The following C3orf20 variants were observed in gnomAD, a reference collection of about 807,000 sequenced individuals.
C3orf20 encodes the protein family with sequence similarity 149 member C, also known as uncharacterized protein C3orf20.
In C3orf20, 76 loss-of-function variants were observed where a neutral mutation model predicts 88.3. That is an observed-to-expected ratio of 0.86 (90% CI 0.72 to 1.04). The LOEUF (loss-of-function observed/expected upper bound fraction) is 1.04, where lower values mean the gene tolerates loss of function less well. Ranked by LOEUF, C3orf20 falls within the 50% of genes least tolerant of loss-of-function variation. C3orf20 has a pLI of 0.00. For missense variants in C3orf20, 1,056 were observed against 1,123.3 expected (o/e 0.94, Z 0.86); for synonymous variants, 436 against 437.4 (o/e 1.00, Z 0.04).
Position 14,684,213 on chromosome 3 carries a change from A to T in C3orf20, c.485-29A>T, listed in dbSNP as rs1222492509. On this transcript the variant is annotated intron_variant, in intron 3 of 16. Coordinates refer to ENST00000253697, the MANE Select transcript of C3orf20 (RefSeq NM_032137.5). The stretch of plus-strand genomic sequence containing the variant: ...AAGCATTAGCCCCATGCTAGGAGGG[A>T]CACGTGTTGCTTTCTATCATTGCTT... 3 of 1,612,192 alleles carry T rather than the reference A, an allele frequency of 1.9e-6. No homozygotes were observed. In the South Asian group the frequency reaches 3.3e-5, roughly 18 times the overall value.
At chr3:14,691,249 C>G (rs1256885069) in intron 5 of C3orf20, among the ~76,000 whole-genome samples, 1 of 152,168 alleles carries the variant, frequency 6.6e-6, no homozygotes, top group Non-Finnish European at 1.5e-5. Context: ...TGTTGATGTG[C>G]TTCATCTCAT....
At chr3:14,748,317 A>G (rs1408532815) in intron 12 of C3orf20, among the ~76,000 whole-genome samples, 16 of 152,110 alleles carry the variant, frequency 1.1e-4, no homozygotes, top group Non-Finnish European at 2.1e-4. Flanking sequence ...ATAATGACCC[A>G]CTTTCATTTT....
Position 14,682,802 on chromosome 3 carries a change from T to C in C3orf20, c.89T>C (p.Met30Thr), listed in dbSNP as rs1170163401. Residue 30 changes from methionine to threonine, a missense_variant, in exon 3 of 17, where the codon ATG (methionine) becomes ACG (threonine). Transcript: ENST00000253697. Reference sequence around the variant, plus strand: ...CTGGCCCGCATCTCCAAACTCCTCATGATCTGCCAGAATGCAGGCATTTCT... The same window carrying C: ...CTGGCCCGCATCTCCAAACTCCTCACGATCTGCCAGAATGCAGGCATTTCT... ...KLLARISKLL[M>T]ICQNAGISVP... 8 of 1,614,058 alleles carry C rather than the reference T, an allele frequency of 5.0e-6. No individual in the cohort carries two copies. In the Middle Eastern group the frequency reaches 4.9e-4, roughly 99 times the overall value.
At position 14,684,198 on chromosome 3, in the gene C3orf20, C is replaced by T. The variant is rs1454516898; in HGVS notation, c.485-44C>T. The T allele has an allele frequency of 1.9e-6, 3 of 1,607,646 alleles. No homozygotes were observed. The Admixed American group carries it at 5.0e-5, about 27-fold the overall frequency. ...GAGGTCCTTTTCTGGAAGCATTAGC[C>T]CCATGCTAGGAGGGACACGTGTTGC... On this transcript the variant is annotated intron_variant, in intron 3 of 16. Transcript: ENST00000253697.
rs533021517 is a variant in C3orf20, at chr3:14,686,695, T to C, written c.625+2313T>C. On this transcript the variant is annotated intron_variant, in intron 4 of 16. Transcript: ENST00000253697. ...AAGTTATTTGGTTTTTGCTCTGCAG[T>C]GTTTTATGTCTTAAGCTTGGTAAAT... Among the ~76,000 whole-genome samples, 12 of 152,344 alleles carry C rather than the reference T, an allele frequency of 7.9e-5. No homozygotes were observed. In the East Asian group the frequency reaches 1.9e-3, roughly 24 times the overall value.
Position 14,688,347 on chromosome 3 carries a change from T to C in C3orf20, c.626-1650T>C, listed in dbSNP as rs140373622. Among the ~76,000 whole-genome samples, 767 of 151,430 alleles carry C rather than the reference T, an allele frequency of 5.1e-3. 6 individuals are homozygous for C. Among genetic ancestry groups the C allele is most frequent in the African/African-American group, 0.018 (725 of 41,244 alleles). On this transcript the variant is annotated intron_variant, in intron 4 of 16. Transcript: ENST00000253697. ...GAGTTCAAGACCAGCCTGGCCAACA[T>C]GATGAAACCCTGTCTCTACTAAAAA...
Position 14,772,185 on chromosome 3 carries a change from T to C in C3orf20, c.2614T>C (p.Ser872Pro). ...ALEDYVEKEL[S>P]LEAEKTREPE... ...GGAAGACTATGTGGAGAAGGAGTTA[T>C]CTCTGGAGGCTGAGAAGTAGGTGAC... The change falls in exon 16 of 17, where the codon TCT (serine) becomes CCT (proline). Residue 872 changes from serine (S) to proline (P), a missense_variant. Ser to Pro is a moderately conservative substitution (Grantham distance 74). Coordinates refer to ENST00000253697, the MANE Select transcript of C3orf20 (RefSeq NM_032137.5). The surrounding 1 kb of genome is among the most constrained non-coding windows in gnomAD (Gnocchi z 4.2). 5 of 1,614,244 alleles carry C rather than the reference T, an allele frequency of 3.1e-6. No individual in the cohort carries two copies. The highest frequency in any genetic ancestry group is 3.3e-4 in the Middle Eastern group (2 of 6,062).
intron 7 of C3orf20, among the ~76,000 whole-genome samples, chr3:14,706,062 G>C (rs1240202464): frequency 6.6e-6 from 1 of 152,172 alleles, no homozygotes; most frequent in Non-Finnish European, 1.5e-5. Flanking sequence ...TCTTGGAGGA[G>C]AGGACGGGTC....
At chr3:14,678,139 G>A (rs530765353) in intron 1 of C3orf20, among the ~76,000 whole-genome samples, 4 of 152,226 alleles carry the variant, frequency 2.6e-5, no homozygotes, top group East Asian at 1.9e-4. Context: ...TGTGCCCATC[G>A]CCTGTAATAC....
intron 15 of C3orf20, among the ~76,000 whole-genome samples, chr3:14,770,117 A>G (rs894037558): frequency 6.6e-6 from 1 of 151,844 alleles, no homozygotes; most frequent in African/African-American, 2.4e-5. Flanking sequence ...CCTGCCCTCC[A>G]CCCTGCCCCC....
At chr3:14,679,709 C>A (rs2031982090) in intron 1 of C3orf20, among the ~76,000 whole-genome samples, 1 of 152,150 alleles carries the variant, frequency 6.6e-6, no homozygotes, top group Non-Finnish European at 1.5e-5. Context: ...TTCTCAGGGT[C>A]CTTTACCCAG....
chr3:14,729,294 A>G (rs904225312), intron 12 of C3orf20, among the ~76,000 whole-genome samples: 6 of 152,146 alleles, frequency 3.9e-5, no homozygotes, highest in African/African-American at 1.4e-4. Context: ...ACCCAGATGC[A>G]AAGGATGATA....
chr3:14,720,985 A>T (rs1457856919), intron 9 of C3orf20, among the ~76,000 whole-genome samples: 2 of 152,248 alleles, frequency 1.3e-5, no homozygotes, highest in Admixed American at 6.5e-5. Flanking sequence ...GTGAGTTGTT[A>T]TAAGGGCAAC....
intron 4 of C3orf20, among the ~76,000 whole-genome samples, chr3:14,687,997 T>G (rs901889177): frequency 1.3e-5 from 2 of 152,128 alleles, no homozygotes; most frequent in African/African-American, 2.4e-5. Flanking sequence ...CTCTCTTTAA[T>G]TAAGCCTAGA....
rs376168870 is a variant in C3orf20, at chr3:14,683,096, G to T, written c.383G>T (p.Arg128Leu). The change falls in exon 3 of 17, where the codon CGC becomes CTC. Residue 128 changes from arginine to leucine, a missense_variant. By Grantham distance (102) the Arg-to-Leu change is moderately radical. Transcript: ENST00000253697. ...TLSPTMARQV[R>L]THQETLNRFQ... ...TCTCCCACCATGGCCCGTCAGGTGC[G>T]CACCCACCAGGAGACCCTGAACAGG... 89 of 1,613,616 alleles carry T rather than the reference G, an allele frequency of 5.5e-5. No homozygotes were observed. The highest frequency in any genetic ancestry group is 6.5e-5 in the Non-Finnish European group (77 of 1,179,856).
rs779128363 is a variant in C3orf20 at position 14,728,542 on chromosome 3, A to G, written c.1794A>G (p.Leu598=). 40 of 1,614,234 alleles carry G rather than the reference A, an allele frequency of 2.5e-5. No homozygotes were observed. The Admixed American group carries it at 3.7e-4, about 15-fold the overall frequency. ...CCGAGCGGCTCCCCAAGCTAAGTTT[A>G]TACTCAGGAGAAAGTCTTTTACGAT... ...THPERLPKLS[L]YSGESLLRSQ... Residue 598 remains leucine, a synonymous_variant, in exon 12 of 17, where the codon TTA becomes TTG. Transcript: ENST00000253697.
chr3:14,703,950 C>G (rs2033388367), intron 6 of C3orf20, among the ~76,000 whole-genome samples: 1 of 152,094 alleles, frequency 6.6e-6, no homozygotes, highest in South Asian at 2.1e-4. Context: ...TGGGCCAGAA[C>G]ATGGGGAGAG....
chr3:14,730,370 A>G (rs13081752), intron 12 of C3orf20, among the ~76,000 whole-genome samples: 40,303 of 151,628 alleles, frequency 0.27, 5,445 homozygotes, highest in South Asian at 0.37. Flanking sequence ...ACATGGTGAA[A>G]CCCCCTCTCT....
intron 7 of C3orf20, among the ~76,000 whole-genome samples, chr3:14,704,978 G>A (rs1048454707): frequency 6.6e-6 from 1 of 152,196 alleles, no homozygotes; most frequent in East Asian, 1.9e-4. Context: ...GAGAGAATTA[G>A]GAGGCCTTAA....
Sources: allele counts gnomAD v4.1 joint callset (sites outside exome capture counted in the v4.1 genomes callset), GRCh38; gene constraint gnomAD v4.1.1; non-coding constraint Gnocchi (gnomAD v3.1); transcripts MANE v1.5; gene names NCBI Gene and HGNC (gene_info 2026-07-23, HGNC 2026-07-21).